Variants in MYO3B observed in about 807,000 individuals in gnomAD.
The protein encoded by MYO3B is myosin IIIB.
In MYO3B, 156 loss-of-function variants were observed where a neutral mutation model predicts 174.6. That is an observed-to-expected ratio of 0.89 (90% CI 0.78 to 1.02). The LOEUF is 1.02. Among genes scored for constraint, MYO3B ranks in the 50% least tolerant of loss-of-function variants. MYO3B has a pLI of 0.00. For missense variants in MYO3B, 1,632 were observed against 1,639.4 expected (o/e 1.00, Z 0.08); for synonymous variants, 563 against 569.1 (o/e 0.99, Z 0.15).
intron 22 of MYO3B, among the ~76,000 whole-genome samples, chr2:170,416,244 C>T (rs1356428481): frequency 2.0e-5 from 3 of 152,090 alleles, no homozygotes; most frequent in Admixed American, 6.6e-5. Context: ...CAAACTAGAC[C>T]GGATGCAGTG....
At chr2:170,325,570 T>C (rs2093860530) in intron 7 of MYO3B, among the ~76,000 whole-genome samples, 3 of 152,192 alleles carry the variant, frequency 2.0e-5, no homozygotes, top group Admixed American at 2.0e-4. Flanking sequence ...TTTCCGTCTT[T>C]TGATTGGACC....
intron 7 of MYO3B, among the ~76,000 whole-genome samples, chr2:170,246,033 A>G (rs2093185242): frequency 6.6e-6 from 1 of 152,248 alleles, no homozygotes; most frequent in Admixed American, 6.5e-5. Context: ...ATATACAAAT[A>G]CAATTAATTT....
intron 22 of MYO3B, among the ~76,000 whole-genome samples, chr2:170,409,484 C>A (rs1458471438): frequency 1.3e-5 from 2 of 152,196 alleles, no homozygotes; most frequent in Non-Finnish European, 2.9e-5. Flanking sequence ...TATTCCTGAG[C>A]TATATATTAT....
chr2:170,399,430 T>A (rs965654501), intron 16 of MYO3B, among the ~76,000 whole-genome samples: 3 of 149,956 alleles, frequency 2.0e-5, no homozygotes, highest in Admixed American at 6.7e-5. Context: ...GCCGAGATTG[T>A]GCCACTGTAC....
chr2:170,329,413 T>TC (rs1425923699), intron 7 of MYO3B, among the ~76,000 whole-genome samples: 1 of 150,568 alleles, frequency 6.6e-6, no homozygotes, highest in African/African-American at 2.5e-5. Flanking sequence ...ATTTTTTTTT[T>TC]CTCTGTCGCC....
chr2:170,221,256 C>T (rs1404362670), intron 6 of MYO3B, among the ~76,000 whole-genome samples: 1 of 152,094 alleles, frequency 6.6e-6, no homozygotes, highest in African/African-American at 2.4e-5. Context: ...GGAATAAGAG[C>T]ATTGCAGATG....
intron 22 of MYO3B, among the ~76,000 whole-genome samples, chr2:170,435,291 T>C (rs1427578126): frequency 3.3e-5 from 5 of 152,136 alleles, no homozygotes; most frequent in Non-Finnish European, 5.9e-5. Flanking sequence ...GTAAGGATCA[T>C]AGTGCAGCAG....
chr2:170,625,803 C>G (rs1170782718), intron 32 of MYO3B, among the ~76,000 whole-genome samples: 2 of 152,180 alleles, frequency 1.3e-5, no homozygotes, highest in Non-Finnish European at 2.9e-5. Flanking sequence ...GCCTTCATTT[C>G]GTTATGTACC....
chr2:170,435,073 G>A (rs541604393), intron 22 of MYO3B, among the ~76,000 whole-genome samples: 2 of 152,352 alleles, frequency 1.3e-5, no homozygotes, highest in South Asian at 2.1e-4. Context: ...ATTACTGCAA[G>A]TATTGCACTA....
chr2:170,416,874 A>G (rs1574947214), intron 22 of MYO3B, among the ~76,000 whole-genome samples: 1 of 135,612 alleles, frequency 7.4e-6, no homozygotes, highest in African/African-American at 2.9e-5. Context: ...CCCGGGCTGG[A>G]GAGTGCAGTG....
chr2:170,649,284 A>T (rs1575344097), intron 32 of MYO3B, among the ~76,000 whole-genome samples: 1 of 48,388 alleles, frequency 2.1e-5, no homozygotes, highest in South Asian at 6.8e-4. Context: ...ATAAAATAAT[A>T]TATATTATAT....
chr2:170,502,918 T>A (rs373777569), intron 28 of MYO3B, among the ~76,000 whole-genome samples: 1 of 152,160 alleles, frequency 6.6e-6, no homozygotes, highest in Non-Finnish European at 1.5e-5. Context: ...ACGAAAATAG[T>A]TGGGCGGAAA....
intron 7 of MYO3B, among the ~76,000 whole-genome samples, chr2:170,279,464 A>G (rs1279913757): frequency 1.6e-5 from 1 of 64,492 alleles, no homozygotes; most frequent in Admixed American, 1.3e-4. Flanking sequence ...TTGTCCACTT[A>G]AAAAAAAAAA....
chr2:170,502,277 C>A (rs563501464), intron 28 of MYO3B, among the ~76,000 whole-genome samples: 23 of 152,320 alleles, frequency 1.5e-4, no homozygotes, highest in Admixed American at 6.5e-4. Flanking sequence ...TCATATGTCC[C>A]TCGTCTGTTA....
At chr2:170,308,125 G>A (rs1453045854) in intron 7 of MYO3B, among the ~76,000 whole-genome samples, 4 of 152,180 alleles carry the variant, frequency 2.6e-5, no homozygotes, top group Non-Finnish European at 4.4e-5. Flanking sequence ...TGATTTGAAT[G>A]TACTGATCTA....
Position 170,463,354 on chromosome 2 carries a change from A to C in MYO3B, c.2731-14A>C, listed in dbSNP as rs1034118134. 3 of 1,612,850 alleles carry C rather than the reference A, an allele frequency of 1.9e-6. No homozygotes were observed. The highest frequency in any genetic ancestry group is 1.7e-6 in the Non-Finnish European group (2 of 1,179,712). Reference sequence around the variant, plus strand: ...CTAGATCCTCAAACCACTTGCCTCCACCTATGCTTCCAGGTGGACACTCTG... The same window carrying C: ...CTAGATCCTCAAACCACTTGCCTCCCCCTATGCTTCCAGGTGGACACTCTG... On this transcript the variant is annotated splice_polypyrimidine_tract_variant and intron_variant, in intron 23 of 34. Coordinates refer to ENST00000408978, the MANE Select transcript of MYO3B (RefSeq NM_138995.5).
At chr2:170,390,187 C>T (rs1040489218) in intron 14 of MYO3B, among the ~76,000 whole-genome samples, 3 of 152,116 alleles carry the variant, frequency 2.0e-5, no homozygotes, top group Admixed American at 6.5e-5. Flanking sequence ...GCCTGTAATC[C>T]CAGCACTTTG....
At chr2:170,346,093 T>A (rs955834454) in intron 8 of MYO3B, 6 of 152,142 alleles carry the variant, frequency 3.9e-5, no homozygotes, top group Non-Finnish European at 8.8e-5. Flanking sequence ...TTACAGGACC[T>A]TAAGGCATTT....
chr2:170,453,232 G>T (rs1683700850), intron 23 of MYO3B, among the ~76,000 whole-genome samples: 2 of 152,128 alleles, frequency 1.3e-5, no homozygotes, highest in Admixed American at 6.6e-5. Context: ...AAAAGTAGGG[G>T]TTTAGGGGTC....
Sources: gnomAD v4.1 joint callset for allele counts (sites outside exome capture counted in the v4.1 genomes callset) on GRCh38, gnomAD v4.1.1 for gene constraint, MANE v1.5 for transcripts, NCBI Gene and HGNC (gene_info 2026-07-23, HGNC 2026-07-21) for gene names.